The following AGMO variants were observed in gnomAD, a reference collection of about 807,000 sequenced individuals.
The protein encoded by AGMO is glyceryl-ether monooxygenase.
A neutral mutation model predicts 60.2 loss-of-function variants in AGMO; 75 were observed. That is an observed-to-expected ratio of 1.25 (90% CI 1.03 to 1.51). The LOEUF (loss-of-function observed/expected upper bound fraction) is 1.51. AGMO is among the 40% of genes most tolerant of loss of function. The probability of loss-of-function intolerance (pLI) is 0.00; values close to 1 mark genes in which losing one functional copy is unlikely to be tolerated. For synonymous variants in AGMO, 261 were observed against 177.1 expected (o/e 1.47, Z -3.76); for missense variants, 763 against 525.5 (o/e 1.45, Z -4.42).
chr7:15,333,377 G>C (rs1482503258), intron 12 of AGMO, among the ~76,000 whole-genome samples: 1 of 152,024 alleles, frequency 6.6e-6, no homozygotes, highest in Admixed American at 6.6e-5. Context: ...AAACATCAAA[G>C]TCCATTTCAT....
chr7:15,167,040 A>G, the AGMO span, among the ~76,000 whole-genome samples: 4 of 152,198 alleles, frequency 2.6e-5, no homozygotes, highest in African/African-American at 9.6e-5. Flanking sequence ...GAAATTTCTA[A>G]TAGTCTAAAC....
At chr7:15,521,112 C>T (rs1783971556) in intron 3 of AGMO, among the ~76,000 whole-genome samples, 2 of 152,094 alleles carry the variant, frequency 1.3e-5, no homozygotes, top group South Asian at 4.1e-4. Flanking sequence ...TGGACAAATT[C>T]CTGGACACAT....
At chr7:15,236,987 A>G (rs201196746) in intron 12 of AGMO, among the ~76,000 whole-genome samples, 1 of 144,848 alleles carries the variant, frequency 6.9e-6, no homozygotes, top group Non-Finnish European at 1.5e-5. Context: ...TACTCAAACA[A>G]ACATAAAAAA....
the AGMO span, among the ~76,000 whole-genome samples, chr7:15,169,514 G>A: frequency 9.9e-5 from 15 of 151,470 alleles, no homozygotes; most frequent in African/African-American, 2.9e-4. Context: ...TCGGCTCACC[G>A]CAACCTCCAC....
At chr7:15,370,347 AATGCTGCG>A (rs1783157853) in intron 10 of AGMO, among the ~76,000 whole-genome samples, 2 of 152,214 alleles carry the variant, frequency 1.3e-5, no homozygotes, top group Non-Finnish European at 2.9e-5. Context: ...TATTGTGAAT[AATGCTGCG>A]ATGAACATGA....
At chr7:15,275,940 T>A (rs1419277588) in intron 12 of AGMO, among the ~76,000 whole-genome samples, 2 of 152,150 alleles carry the variant, frequency 1.3e-5, no homozygotes, top group African/African-American at 2.4e-5. Flanking sequence ...ATTAGGTAGT[T>A]TCTTGCTTGC....
rs575899344 is a variant in AGMO at position 15,512,856 on chromosome 7, A to G, written c.409+31916T>C. Among the ~76,000 whole-genome samples the G allele has an allele frequency of 1.3e-3, 192 of 151,422 alleles. 1 individual carries two copies. The highest frequency in any genetic ancestry group is 4.2e-3 in the African/African-American group (172 of 41,230). ...TTTTTTTTCCTTTTTCCTTTTTCCT[A>G]CTATATTTTGTATAGTTTCTTTCAA... On this transcript the variant is annotated intron_variant, in intron 3 of 12. Coordinates refer to ENST00000342526, the MANE Select transcript of AGMO (RefSeq NM_001004320.2).
At chr7:15,544,073 AC>A (rs1784702439) in intron 3 of AGMO, among the ~76,000 whole-genome samples, 1 of 152,140 alleles carries the variant, frequency 6.6e-6, no homozygotes, top group Non-Finnish European at 1.5e-5. Flanking sequence ...ATTTGCAGCA[AC>A]CCAGATGGAA....
rs548269882 is a variant in AGMO, at chr7:15,438,425, C to A, written c.410-7317G>T. Among the ~76,000 whole-genome samples, 21 of 152,106 alleles carry A rather than the reference C, an allele frequency of 1.4e-4. No individual in the cohort carries two copies. In the Middle Eastern group the frequency reaches 0.021, roughly 149 times the overall value. ...TTTTATAGATGAAGAAATGGAGATACAATAATATTTAATAACTTACATAAA... is the reference window on the plus strand; with the variant it reads ...TTTTATAGATGAAGAAATGGAGATAAAATAATATTTAATAACTTACATAAA... On this transcript the variant is annotated intron_variant, in intron 3 of 12. Transcript: ENST00000342526.
At chr7:15,357,937 A>G (rs1782604304) in intron 12 of AGMO, among the ~76,000 whole-genome samples, 1 of 152,222 alleles carries the variant, frequency 6.6e-6, no homozygotes, top group Non-Finnish European at 1.5e-5. Flanking sequence ...TACCAAATAA[A>G]CACATATATA....
At chr7:15,356,119 A>G (rs1782521448) in intron 12 of AGMO, among the ~76,000 whole-genome samples, 1 of 152,222 alleles carries the variant, frequency 6.6e-6, no homozygotes, top group African/African-American at 2.4e-5. Context: ...AGGACATTTT[A>G]TAATCACTTG....
At chr7:15,542,774 C>A (rs1036802869) in intron 3 of AGMO, among the ~76,000 whole-genome samples, 2 of 152,112 alleles carry the variant, frequency 1.3e-5, no homozygotes, top group African/African-American at 4.8e-5. Flanking sequence ...GTAGCCTTTG[C>A]ATTTATATAT....
intron 12 of AGMO, among the ~76,000 whole-genome samples, chr7:15,270,648 A>G (rs1384023562): frequency 1.4e-5 from 1 of 69,322 alleles, no homozygotes; most frequent in Non-Finnish European, 2.7e-5. Context: ...GCTGTGCAGA[A>G]GCTTTTGGGT....
In AGMO at chr7:15,484,634, C is replaced by CA. The variant is rs577114232; in HGVS notation, c.410-53527dup. 2.5e-3 allele frequency among the ~76,000 whole-genome samples: 381 copies of CA among 152,020 alleles called. 2 individuals are homozygous for CA. Among genetic ancestry groups the CA allele is most frequent in the African/African-American group, 8.5e-3 (352 of 41,466 alleles). ...GTATTCCGCTCTTGAAATGTTTTGA[C>CA]AAAAAACAATCTTTCACCCAATCCA... On this transcript the variant is annotated intron_variant, in intron 3 of 12. Transcript: ENST00000342526.
the AGMO span, among the ~76,000 whole-genome samples, chr7:15,143,399 G>A: frequency 1.3e-5 from 2 of 152,128 alleles, no homozygotes; most frequent in Admixed American, 1.3e-4. Context: ...AATAGATATG[G>A]CTAGATTTCT....
chr7:15,394,268 T>C, intron 5 of AGMO, 89 bp from the exon 6 acceptor site: 1 of 1,003,904 alleles, frequency 1.0e-6, no homozygotes, highest in Non-Finnish European at 1.5e-6. Flanking sequence ...CTCACATAAA[T>C]TAAGAGATAT....
At chr7:15,540,465 G>C (rs1784596435) in intron 3 of AGMO, among the ~76,000 whole-genome samples, 1 of 152,158 alleles carries the variant, frequency 6.6e-6, no homozygotes, top group South Asian at 2.1e-4. Flanking sequence ...CTGGAAAATG[G>C]AGGCAAGGTC....
At chr7:15,421,324 C>T (rs1017757896) in intron 4 of AGMO, among the ~76,000 whole-genome samples, 3 of 152,008 alleles carry the variant, frequency 2.0e-5, no homozygotes, top group Admixed American at 6.6e-5. Context: ...GTCTGTGCCT[C>T]GCCACAGCCA....
intron 3 of AGMO, among the ~76,000 whole-genome samples, chr7:15,505,302 T>C (rs1224336623): frequency 6.6e-6 from 1 of 151,972 alleles, no homozygotes; most frequent in Admixed American, 6.6e-5. Context: ...ATGAGTAGTA[T>C]AGATGATGGG....
Sources: gnomAD v4.1 joint callset for allele counts (sites outside exome capture counted in the v4.1 genomes callset) on GRCh38, gnomAD v4.1.1 for gene constraint, MANE v1.5 for transcripts, NCBI Gene and HGNC (gene_info 2026-07-23, HGNC 2026-07-21) for gene names.